The following SNTG1 variants were observed in gnomAD, a reference collection of about 807,000 sequenced individuals.
SNTG1 encodes syntrophin gamma 1.
A neutral mutation model predicts 74.7 loss-of-function variants in SNTG1; 39 were observed. That is an observed-to-expected ratio of 0.52 (90% confidence interval 0.40 to 0.68). SNTG1 has a LOEUF of 0.68. SNTG1 is among the 30% of genes least tolerant of loss of function. The pLI is 0.00. For synonymous variants in SNTG1, 254 were observed against 217.1 expected, an observed-to-expected ratio of 1.17 and a Z score of -1.49; for missense variants, 685 against 609.5, an observed-to-expected ratio of 1.12 and a Z score of -1.30.
At position 50,402,212 on chromosome 8, in the gene SNTG1, A is replaced by G. The variant is rs2092814989; in HGVS notation, c.30A>G (p.Thr10=). The change falls in exon 4 of 19, where the codon ACA becomes ACG. Residue 10 remains threonine, a splice_region_variant and synonymous_variant. Coordinates refer to ENST00000642720, the MANE Select transcript of SNTG1 (RefSeq NM_018967.5). MDFRTACEE[T]KTGICLLQDG... Reference sequence around the variant, plus strand: ...TTGTTTTTTTTTTTAATCTGAAGACAAAGACAGGAATTTGTTTGCTGCAGG... The same window carrying G: ...TTGTTTTTTTTTTTAATCTGAAGACGAAGACAGGAATTTGTTTGCTGCAGG... 1 of 1,588,636 alleles carries G rather than the reference A, an allele frequency of 6.3e-7. No homozygotes were observed. Among genetic ancestry groups the G allele is most frequent in the South Asian group, 1.2e-5 (1 of 85,580 alleles).
At chr8:50,238,235 A>C (rs10957842) in intron 2 of SNTG1, among the ~76,000 whole-genome samples, 137,008 of 152,150 alleles carry the variant, frequency 0.9, 62,968 homozygotes, top group East Asian at 1. Context: ...TACTTGACTT[A>C]TAACTATACT....
At chr8:50,579,212 C>T (rs919983004) in intron 12 of SNTG1, among the ~76,000 whole-genome samples, 4 of 152,170 alleles carry the variant, frequency 2.6e-5, no homozygotes, top group African/African-American at 9.7e-5. Context: ...GTCACTCTTG[C>T]TATTCAATGA....
intron 2 of SNTG1, among the ~76,000 whole-genome samples, chr8:50,276,080 T>C (rs1371999729): frequency 6.6e-6 from 1 of 152,178 alleles, no homozygotes; most frequent in Non-Finnish European, 1.5e-5. Context: ...TTTCAATATA[T>C]AACAATACCT....
intron 13 of SNTG1, among the ~76,000 whole-genome samples, chr8:50,610,120 G>A (rs75449973): frequency 0.043 from 6,490 of 152,238 alleles, 247 homozygotes; most frequent in African/African-American, 0.094. Flanking sequence ...TTTTAATTGT[G>A]TCTTATTGTA....
intron 1 of SNTG1, among the ~76,000 whole-genome samples, chr8:50,140,769 T>A (rs952651264): frequency 1.3e-5 from 2 of 152,196 alleles, no homozygotes; most frequent in African/African-American, 4.8e-5. Context: ...TCATTCCTTC[T>A]TTATGGGAGG....
At chr8:50,091,112 A>G (rs974578250) in intron 1 of SNTG1, among the ~76,000 whole-genome samples, 2 of 152,040 alleles carry the variant, frequency 1.3e-5, no homozygotes, top group African/African-American at 2.4e-5. Context: ...GGTAATAAAA[A>G]TATATTTTTT....
At chr8:50,385,371 C>T (rs1309062465) in intron 2 of SNTG1, among the ~76,000 whole-genome samples, 1 of 152,320 alleles carries the variant, frequency 6.6e-6, no homozygotes, top group Middle Eastern at 3.4e-3. Context: ...ACTGCAACAA[C>T]CTATTCTTTA....
intron 1 of SNTG1, among the ~76,000 whole-genome samples, chr8:50,079,137 A>G (rs374575602): frequency 6.6e-6 from 1 of 152,270 alleles, no homozygotes; most frequent in Admixed American, 6.5e-5. Context: ...TCGCCACACT[A>G]TGTTCCACAA....
rs113767118 is a variant in SNTG1 at position 50,488,206 on chromosome 8, A to G, written c.364-14572A>G. 6.0e-5 allele frequency among the ~76,000 whole-genome samples: 9 copies of G among 151,016 alleles called. 1 individual carries two copies. The highest frequency in any genetic ancestry group is 1.7e-4 in the African/African-American group (7 of 40,368). On this transcript the variant is annotated intron_variant, in intron 8 of 18. Coordinates refer to ENST00000642720, the MANE Select transcript of SNTG1 (RefSeq NM_018967.5). The stretch of plus-strand genomic sequence containing the variant: ...AGATGATGATCATCCTGAAATTGCT[A>G]TGAGAGTAAAATAGGTTTTTTTTAA...
chr8:50,024,649 T>C (rs1817106806), intron 1 of SNTG1, among the ~76,000 whole-genome samples: 1 of 152,162 alleles, frequency 6.6e-6, no homozygotes, highest in Non-Finnish European at 1.5e-5. Context: ...AAAGTTTAAT[T>C]CATAAATTAG....
chr8:50,354,398 T>C (rs1052374930), intron 2 of SNTG1, among the ~76,000 whole-genome samples: 2 of 152,178 alleles, frequency 1.3e-5, no homozygotes, highest in African/African-American at 4.8e-5. Flanking sequence ...TGTAAAGTAT[T>C]TTTTTCCATT....
At chr8:50,566,652 G>A (rs1488630565) in intron 12 of SNTG1, among the ~76,000 whole-genome samples, 1 of 151,990 alleles carries the variant, frequency 6.6e-6, no homozygotes, top group Non-Finnish European at 1.5e-5. Context: ...CTGAAAAGAG[G>A]AGGAAGTATA....
chr8:50,752,208 C>T (rs897110617), intron 18 of SNTG1, 97 bp downstream of exon 18: 1 of 551,936 alleles, frequency 1.8e-6, no homozygotes, highest in East Asian at 3.2e-5. Context: ...AGACCAAAAA[C>T]ACACATTCTC....
intron 1 of SNTG1, among the ~76,000 whole-genome samples, chr8:50,037,966 T>C (rs1818303533): frequency 6.6e-6 from 1 of 152,184 alleles, no homozygotes; most frequent in African/African-American, 2.4e-5. Flanking sequence ...GCATGCCATC[T>C]TGCCTGAAAA....
chr8:50,586,634 C>T (rs539008817), intron 12 of SNTG1, among the ~76,000 whole-genome samples: 1 of 133,640 alleles, frequency 7.5e-6, no homozygotes, highest in East Asian at 2.3e-4. Flanking sequence ...ACATTCTCTC[C>T]TGTCTTCATT....
intron 1 of SNTG1, among the ~76,000 whole-genome samples, chr8:49,985,383 G>C (rs1053298404): frequency 6.6e-6 from 1 of 151,978 alleles, no homozygotes; most frequent in Non-Finnish European, 1.5e-5. Context: ...TGCCCGTCTC[G>C]GCTTCCTAAG....
intron 1 of SNTG1, among the ~76,000 whole-genome samples, chr8:49,922,785 A>T (rs1806670795): frequency 6.6e-6 from 1 of 152,140 alleles, no homozygotes; most frequent in South Asian, 2.1e-4. Flanking sequence ...TTTTTCATGT[A>T]CTGACCATTG....
intron 15 of SNTG1, among the ~76,000 whole-genome samples, chr8:50,690,478 T>G (rs1427248047): frequency 6.6e-6 from 1 of 152,234 alleles, no homozygotes; most frequent in Admixed American, 6.5e-5. Context: ...AAAGAACATC[T>G]TTATTTCTCC....
At chr8:50,304,600 A>G (rs1394767295) in intron 2 of SNTG1, among the ~76,000 whole-genome samples, 1 of 152,188 alleles carries the variant, frequency 6.6e-6, no homozygotes, top group Non-Finnish European at 1.5e-5. Context: ...GGTCACAAAC[A>G]TGATATTTGA....
Sources: gnomAD v4.1 joint callset for allele counts (sites outside exome capture counted in the v4.1 genomes callset) on GRCh38, gnomAD v4.1.1 for gene constraint, MANE v1.5 for transcripts, NCBI Gene and HGNC (gene_info 2026-07-23, HGNC 2026-07-21) for gene names.